Variants in ENPP1 observed in about 807,000 individuals in gnomAD.
ENPP1 encodes ectonucleotide pyrophosphatase/phosphodiesterase family member 1.
Under a neutral mutation model 122.8 loss-of-function variants are expected in ENPP1, and 73 were observed. The observed-to-expected ratio is 0.59, with a 90% confidence interval of 0.49 to 0.72. The LOEUF is 0.72. ENPP1 is among the 30% of genes least tolerant of loss of function. ENPP1 has a pLI of 0.00. For missense variants in ENPP1, 978 were observed against 1,128.1 expected (o/e 0.87, Z 1.91); for synonymous variants, 367 against 391.6 (o/e 0.94, Z 0.74).
At chr6:131,831,138 GAAAA>G (rs1489831010) in intron 1 of ENPP1, among the ~76,000 whole-genome samples, 1 of 111,434 alleles carries the variant, frequency 9.0e-6, no homozygotes, top group Non-Finnish European at 1.8e-5. Context: ...AAAAAAAAAA[GAAAA>G]GAAAATAGAT....
intron 12 of ENPP1, among the ~76,000 whole-genome samples, 160 bp from the exon 13 acceptor site, chr6:131,869,198 G>A (rs888102949): frequency 6.6e-6 from 1 of 152,066 alleles, no homozygotes; most frequent in African/African-American, 2.4e-5. Context: ...GAAGTGATAG[G>A]TACAGCTGAA....
chr6:131,885,743 T>C (rs1782369663), intron 23 of ENPP1, among the ~76,000 whole-genome samples: 1 of 152,200 alleles, frequency 6.6e-6, no homozygotes, highest in African/African-American at 2.4e-5. Flanking sequence ...GACTTAGATA[T>C]ATGTGACTTA....
At chr6:131,815,871 A>ATTTTTTTT (rs750091125) in intron 1 of ENPP1, among the ~76,000 whole-genome samples, 33 of 115,816 alleles carry the variant, frequency 2.8e-4, no homozygotes, top group Non-Finnish European at 3.3e-4. Context: ...CACCTGGCTA[A>ATTTTTTTT]TTTTTTTTTT....
At chr6:131,809,459 A>G (rs926199505) in intron 1 of ENPP1, among the ~76,000 whole-genome samples, 5 of 152,222 alleles carry the variant, frequency 3.3e-5, no homozygotes, top group African/African-American at 9.6e-5. Flanking sequence ...GTTTCACAGA[A>G]TAAGTACCCC....
At chr6:131,839,821 C>T (rs141389442) in intron 1 of ENPP1, among the ~76,000 whole-genome samples, 2,743 of 151,624 alleles carry the variant, frequency 0.018, 89 homozygotes, top group African/African-American at 0.063. Flanking sequence ...TATATACAGC[C>T]ATATATACAG....
At chr6:131,876,862 A>T in intron 17 of ENPP1, 130 bp from the exon 18 acceptor site, 1 of 801,830 alleles carries the variant, frequency 1.2e-6, no homozygotes, top group South Asian at 1.5e-5. Flanking sequence ...AGAGAGTTTT[A>T]TACTTTTATT....
chr6:131,819,835 G>T, intron 1 of ENPP1: 1 of 423,350 alleles, frequency 2.4e-6, no homozygotes, highest in South Asian at 2.2e-5. Flanking sequence ...ATTGGAGGAG[G>T]ACTGGGGCCA....
rs554266712 is a variant in ENPP1, at chr6:131,872,328, A to T, written c.1437+227A>T. On this transcript the variant is annotated intron_variant, in intron 14 of 24. Transcript: ENST00000647893. The stretch of plus-strand genomic sequence containing the variant: ...CTATTGGCATTATAAAATTTATATG[A>T]GAAGAAGAAATAATTTTAAAACTAT... Among the ~76,000 whole-genome samples the T allele has an allele frequency of 1.6e-4, 24 of 152,282 alleles. No individual in the cohort carries two copies. In the South Asian group the frequency reaches 4.6e-3, roughly 29 times the overall value.
intron 20 of ENPP1, among the ~76,000 whole-genome samples, chr6:131,881,311 C>T (rs1782302510): frequency 6.6e-6 from 1 of 151,996 alleles, no homozygotes; most frequent in Admixed American, 6.6e-5. Flanking sequence ...AAACACCAAA[C>T]ACTTAAAAAA....
At chr6:131,820,983 C>T (rs1403092747) in intron 1 of ENPP1, among the ~76,000 whole-genome samples, 2 of 151,918 alleles carry the variant, frequency 1.3e-5, no homozygotes, top group Non-Finnish European at 2.9e-5. Flanking sequence ...CATAATATGC[C>T]CTGAATAAGT....
intron 1 of ENPP1, chr6:131,819,940 T>TC: frequency 6.7e-6 from 1 of 150,180 alleles, no homozygotes; most frequent in Non-Finnish European, 1.2e-5. Flanking sequence ...CCATAGCTTC[T>TC]TTTTTTTTTT....
intron 1 of ENPP1, among the ~76,000 whole-genome samples, chr6:131,828,917 T>C (rs1338145520): frequency 6.6e-6 from 1 of 152,280 alleles, no homozygotes; most frequent in Non-Finnish European, 1.5e-5. Context: ...TAGTTGTCTT[T>C]TTGTTTGTTT....
intron 22 of ENPP1, among the ~76,000 whole-genome samples, chr6:131,884,072 T>G (rs1283768524): frequency 6.6e-6 from 1 of 152,214 alleles, no homozygotes; most frequent in Non-Finnish European, 1.5e-5. Flanking sequence ...TTCGGCTTCC[T>G]TATTTAACTT....
At chr6:131,811,717 T>C (rs1474635605) in intron 1 of ENPP1, among the ~76,000 whole-genome samples, 1 of 152,154 alleles carries the variant, frequency 6.6e-6, no homozygotes, top group Non-Finnish European at 1.5e-5. Flanking sequence ...CCCCTGGGAA[T>C]GGGTGCAGTG....
At chr6:131,873,118 CCTTT>C in intron 15 of ENPP1, 68 bp downstream of exon 15, 1 of 1,523,164 alleles carries the variant, frequency 6.6e-7, no homozygotes, top group Admixed American at 1.7e-5. Flanking sequence ...ACCATTGGGC[CCTTT>C]CTAACAATAT....
At chr6:131,834,580 G>C (rs1781650929) in intron 1 of ENPP1, among the ~76,000 whole-genome samples, 1 of 151,120 alleles carries the variant, frequency 6.6e-6, no homozygotes, top group African/African-American at 2.4e-5. Context: ...GCCCACGCTG[G>C]AGTGCAGTGG....
At position 131,890,347 on chromosome 6, in the gene ENPP1, A is replaced by G. The variant is rs377328852; in HGVS notation, c.2614A>G (p.Lys872Glu). ...ATATTTCCTATTCTCCTAGCATGGG[A>G]AGCATGACTCCTCATGGGTTGAAGA... ...TDNSESCVHGKHDSSWVEELL... is the reference protein window; with the variant it reads ...TDNSESCVHGEHDSSWVEELL... Residue 872 changes from lysine to glutamate, a missense_variant, in exon 25 of 25, where the codon AAG becomes GAG. Physicochemically the swap from Lys to Glu is moderately conservative, Grantham distance 56 (BLOSUM62 1). Transcript: ENST00000647893. 3.1e-6 allele frequency: 5 copies of G among 1,613,198 alleles called. No homozygotes were observed. In the African/African-American group the frequency reaches 5.3e-5, roughly 17 times the overall value.
chr6:131,813,516 C>T (rs921359649), intron 1 of ENPP1, among the ~76,000 whole-genome samples: 2 of 148,062 alleles, frequency 1.4e-5, no homozygotes, highest in Non-Finnish European at 3.0e-5. Flanking sequence ...GGTGACAGAG[C>T]AAGACTCTGT....
intron 1 of ENPP1, among the ~76,000 whole-genome samples, chr6:131,846,166 C>T (rs1444878959): frequency 6.6e-6 from 1 of 152,166 alleles, no homozygotes; most frequent in Non-Finnish European, 1.5e-5. Flanking sequence ...CAATACTCTT[C>T]ATCTGAAGGA....
Sources: gnomAD v4.1 joint callset for allele counts (sites outside exome capture counted in the v4.1 genomes callset) on GRCh38, gnomAD v4.1.1 for gene constraint, MANE v1.5 for transcripts, NCBI Gene and HGNC (gene_info 2026-07-23, HGNC 2026-07-21) for gene names.